ATE1: variants seen among roughly 807,000 people sequenced by gnomAD.
ATE1 encodes the protein arginyl-tRNA--protein transferase 1.
Under a neutral mutation model 70.5 loss-of-function variants are expected in ATE1, and 36 were observed. The observed-to-expected ratio is 0.51, with a 90% CI of 0.39 to 0.67. The LOEUF (loss-of-function observed/expected upper bound fraction) is 0.67. Ranked by LOEUF, ATE1 falls within the 30% of genes least tolerant of loss-of-function variation. ATE1 has a pLI of 0.00. For missense variants in ATE1, 593 were observed against 629.5 expected, an observed-to-expected ratio of 0.94 and a Z score of 0.62; for synonymous variants, 232 against 219.3, an observed-to-expected ratio of 1.06 and a Z score of -0.51.
In ATE1 at chr10:121,907,397, A is replaced by T. The variant is rs188346044; in HGVS notation, c.583+3509T>A. Among the ~76,000 whole-genome samples the T allele has an allele frequency of 2.0e-5, 3 of 152,204 alleles. No individual in the cohort carries two copies. In the East Asian group the frequency reaches 5.8e-4, roughly 29 times the overall value. Reference sequence around the variant, plus strand: ...GGAGAATCACTTAAACCCGGGAAGCAGAGGTTGCAGTGAGCTGAGATAGCG... The same window carrying T: ...GGAGAATCACTTAAACCCGGGAAGCTGAGGTTGCAGTGAGCTGAGATAGCG... On this transcript the variant is annotated intron_variant, in intron 5 of 11. Coordinates refer to ENST00000224652, the MANE Select transcript of ATE1 (RefSeq NM_001001976.3).
chr10:121,865,599 G>T (rs887598386), intron 8 of ATE1, among the ~76,000 whole-genome samples: 2 of 152,186 alleles, frequency 1.3e-5, no homozygotes, highest in Non-Finnish European at 2.9e-5. Flanking sequence ...TAAGGCCGGG[G>T]TCCGGTGTAA....
At chr10:121,877,322 A>T (rs1185665360) in intron 7 of ATE1, among the ~76,000 whole-genome samples, 2 of 152,218 alleles carry the variant, frequency 1.3e-5, no homozygotes, top group African/African-American at 4.8e-5. Context: ...TAAAGTAAAC[A>T]CTAAGGCCGA....
chr10:121,779,556 C>T (rs1195257110), intron 11 of ATE1, among the ~76,000 whole-genome samples: 1 of 152,282 alleles, frequency 6.6e-6, no homozygotes, highest in East Asian at 1.9e-4. Context: ...ACTAATCTTC[C>T]TATCTGTGTT....
intron 6 of ATE1, 123 bp from the exon 7 acceptor site, chr10:121,900,117 A>C: frequency 5.5e-6 from 6 of 1,090,972 alleles, no homozygotes; most frequent in Non-Finnish European, 7.6e-6. Context: ...GCACCTAAAT[A>C]TTTTAATATT....
intron 5 of ATE1, among the ~76,000 whole-genome samples, chr10:121,909,604 T>TTA (rs1237009246): frequency 6.6e-6 from 1 of 152,210 alleles, no homozygotes; most frequent in African/African-American, 2.4e-5. Flanking sequence ...TGGAAGTCGA[T>TTA]TATACTATTC....
At chr10:121,844,815 G>T (rs185830325) in intron 8 of ATE1, among the ~76,000 whole-genome samples, 1 of 151,966 alleles carries the variant, frequency 6.6e-6, no homozygotes, top group East Asian at 1.9e-4. Context: ...GAAAGATGCC[G>T]ATCTGAAAAG....
intron 10 of ATE1, among the ~76,000 whole-genome samples, chr10:121,819,723 T>C (rs558529033): frequency 1.9e-4 from 27 of 143,686 alleles, no homozygotes; most frequent in African/African-American, 6.2e-4. Context: ...TTGGGTACAG[T>C]GTACGCTGCT....
intron 7 of ATE1, among the ~76,000 whole-genome samples, chr10:121,889,771 C>A (rs1033505434): frequency 1.3e-5 from 2 of 151,854 alleles, no homozygotes; most frequent in African/African-American, 4.8e-5. Flanking sequence ...TATGACCATG[C>A]TACTGTACTC....
At chr10:121,926,215 A>C (rs1472641463) in intron 1 of ATE1, among the ~76,000 whole-genome samples, 1 of 152,110 alleles carries the variant, frequency 6.6e-6, no homozygotes, top group Non-Finnish European at 1.5e-5. Context: ...GTCTCAAAAT[A>C]AATAAATAAA....
At chr10:121,854,958 C>G (rs146559028) in intron 8 of ATE1, among the ~76,000 whole-genome samples, 1 of 152,262 alleles carries the variant, frequency 6.6e-6, no homozygotes, top group African/African-American at 2.4e-5. Flanking sequence ...TTACCCAAAA[C>G]AAACCCACAG....
intron 11 of ATE1, among the ~76,000 whole-genome samples, chr10:121,755,010 C>T (rs961361410): frequency 3.3e-5 from 5 of 152,034 alleles, no homozygotes; most frequent in African/African-American, 4.8e-5. Context: ...TCAAAAATAT[C>T]GAGGTAACAA....
At chr10:121,863,673 A>C (rs916418671) in intron 8 of ATE1, among the ~76,000 whole-genome samples, 4 of 152,258 alleles carry the variant, frequency 2.6e-5, no homozygotes, top group African/African-American at 9.6e-5. Flanking sequence ...GCAGTGGTGC[A>C]ATCATAGCTC....
intron 11 of ATE1, among the ~76,000 whole-genome samples, chr10:121,781,893 C>A (rs1201046339): frequency 6.6e-6 from 1 of 152,132 alleles, no homozygotes; most frequent in Non-Finnish European, 1.5e-5. Flanking sequence ...TAGGAAAATA[C>A]GTTTCTTACA....
chr10:121,780,837 A>G lies in ATE1; in HGVS notation c.1378+9332T>C, dbSNP rs564105321. ...CAAATTCTGGAATGAGGACCCTCCT[A>G]TGGGGACTCACTGCCTCTTCCTTCT... is the stretch of plus-strand genomic sequence containing the variant. On this transcript the variant is annotated intron_variant, in intron 11 of 11. Coordinates refer to ENST00000224652, the MANE Select transcript of ATE1 (RefSeq NM_001001976.3). Among the ~76,000 whole-genome samples the G allele has an allele frequency of 4.6e-5, 7 of 152,274 alleles. No individual in the cohort carries two copies. The South Asian group carries it at 1.4e-3, about 32-fold the overall frequency.
intron 11 of ATE1, among the ~76,000 whole-genome samples, chr10:121,756,513 T>C (rs1944809039): frequency 6.6e-6 from 1 of 152,190 alleles, no homozygotes; most frequent in African/African-American, 2.4e-5. Flanking sequence ...GCAGAGGTTC[T>C]CCATGAGGGC....
At chr10:121,862,877 G>A (rs959678230) in intron 8 of ATE1, among the ~76,000 whole-genome samples, 9 of 152,038 alleles carry the variant, frequency 5.9e-5, no homozygotes, top group East Asian at 1.9e-4. Flanking sequence ...GGCAACACCC[G>A]GAAGTTACTG....
intron 3 of ATE1, among the ~76,000 whole-genome samples, chr10:121,916,982 G>T (rs1397995942): frequency 1.3e-5 from 2 of 152,006 alleles, no homozygotes; most frequent in African/African-American, 4.8e-5. Flanking sequence ...TGGCCAACAT[G>T]ATGAAACCCC....
intron 10 of ATE1, among the ~76,000 whole-genome samples, chr10:121,826,451 A>G (rs1462119136): frequency 1.3e-5 from 2 of 152,146 alleles, no homozygotes; most frequent in Admixed American, 6.5e-5. Context: ...AACTAGAGGC[A>G]TGCGTCACCA....
intron 10 of ATE1, among the ~76,000 whole-genome samples, chr10:121,805,862 C>T (rs1053003572): frequency 3.3e-5 from 5 of 152,088 alleles, no homozygotes; most frequent in Admixed American, 6.6e-5. Context: ...TTATATTATA[C>T]ATTTAGTAAG....
Sources: allele counts gnomAD v4.1 joint callset (sites outside exome capture counted in the v4.1 genomes callset), GRCh38; gene constraint gnomAD v4.1.1; transcripts MANE v1.5; gene names NCBI Gene and HGNC (gene_info 2026-07-23, HGNC 2026-07-21).